The following MACROD2 variants were observed in gnomAD, a reference collection of about 807,000 sequenced individuals.
MACROD2 encodes mono-ADP ribosylhydrolase 2.
MACROD2 carries 36 observed loss-of-function variants against 70.4 expected under a neutral mutation model. The observed-to-expected ratio is 0.51, with a 90% CI of 0.39 to 0.68. The LOEUF is 0.68. Among genes scored for constraint, MACROD2 ranks in the 30% least tolerant of loss-of-function variants. The pLI is 0.00. For synonymous variants in MACROD2, 172 were observed against 178.8 expected, an observed-to-expected ratio of 0.96 and a Z score of 0.30; for missense variants, 496 against 538.4, an observed-to-expected ratio of 0.92 and a Z score of 0.78.
intron 3 of MACROD2, among the ~76,000 whole-genome samples, chr20:14,160,465 G>T (rs1267944221): frequency 2.0e-5 from 3 of 152,202 alleles, no homozygotes; most frequent in East Asian, 3.9e-4. Flanking sequence ...GTATGTACCA[G>T]AAATTTATTA....
intron 5 of MACROD2, among the ~76,000 whole-genome samples, chr20:14,857,906 C>T (rs1317157205): frequency 1.3e-5 from 2 of 151,994 alleles, no homozygotes; most frequent in Non-Finnish European, 1.5e-5. Context: ...CTGCAACCTC[C>T]GCCTCCCGGG....
chr20:15,365,792 A>G (rs1315814408), intron 6 of MACROD2, among the ~76,000 whole-genome samples: 1 of 152,196 alleles, frequency 6.6e-6, no homozygotes, highest in Non-Finnish European at 1.5e-5. Context: ...AAAAAGAGAA[A>G]ATTGATTACA....
chr20:14,322,345 A>G (rs2082671178), intron 3 of MACROD2, among the ~76,000 whole-genome samples: 1 of 150,438 alleles, frequency 6.6e-6, no homozygotes, highest in Non-Finnish European at 1.5e-5. Context: ...GTATTTTAGA[A>G]CATACACAAA....
intron 6 of MACROD2, among the ~76,000 whole-genome samples, chr20:15,329,950 G>T (rs955674216): frequency 3.9e-5 from 6 of 152,002 alleles, no homozygotes; most frequent in Non-Finnish European, 8.8e-5. Flanking sequence ...TTTGAGAGGT[G>T]CCTTCGCTAT....
At chr20:14,012,179 T>G (rs767975456) in intron 2 of MACROD2, among the ~76,000 whole-genome samples, 2 of 152,200 alleles carry the variant, frequency 1.3e-5, no homozygotes, top group African/African-American at 2.4e-5. Flanking sequence ...AGTGCTGGGA[T>G]TACAGGTGTG....
intron 5 of MACROD2, among the ~76,000 whole-genome samples, chr20:15,152,959 G>T (rs966248451): frequency 6.6e-6 from 1 of 152,094 alleles, no homozygotes; most frequent in Non-Finnish European, 1.5e-5. Flanking sequence ...GAGGTTGAGG[G>T]ATAGTGAGAG....
intron 15 of MACROD2, among the ~76,000 whole-genome samples, chr20:15,994,343 G>T (rs4813204): frequency 0.58 from 87,512 of 151,894 alleles, 25,691 homozygotes; most frequent in East Asian, 0.68. Context: ...TCTAAAATCT[G>T]GCTTATTAAA....
intron 6 of MACROD2, among the ~76,000 whole-genome samples, chr20:15,289,738 T>A (rs10485522): frequency 0.087 from 13,315 of 152,264 alleles, 730 homozygotes; most frequent in African/African-American, 0.14. Context: ...TTTATGGGCA[T>A]GTAGAGGATC....
chr20:14,529,360 C>T (rs2085274732), intron 4 of MACROD2, among the ~76,000 whole-genome samples: 1 of 152,164 alleles, frequency 6.6e-6, no homozygotes, highest in African/African-American at 2.4e-5. Context: ...TGCCCTGCCA[C>T]ACTTAGTGTA....
chr20:14,504,831 C>T (rs1282028237), intron 4 of MACROD2, among the ~76,000 whole-genome samples: 1 of 152,096 alleles, frequency 6.6e-6, no homozygotes, highest in African/African-American at 2.4e-5. Flanking sequence ...ATAAAGAAGT[C>T]CTCTTTGACT....
At chr20:15,958,609 A>T (rs1465787841) in intron 12 of MACROD2, among the ~76,000 whole-genome samples, 3 of 152,168 alleles carry the variant, frequency 2.0e-5, no homozygotes, top group African/African-American at 7.2e-5. Flanking sequence ...CTGACATTCA[A>T]AGGGAAATAA....
At chr20:15,781,426 A>G (rs1169834031) in intron 8 of MACROD2, among the ~76,000 whole-genome samples, 1 of 150,714 alleles carries the variant, frequency 6.6e-6, no homozygotes, top group Non-Finnish European at 1.5e-5. Flanking sequence ...CAGACTGGGT[A>G]ATTTATAAAG....
intron 6 of MACROD2, among the ~76,000 whole-genome samples, chr20:15,396,029 CA>C (rs1219947813): frequency 4.6e-5 from 7 of 152,182 alleles, no homozygotes; most frequent in Admixed American, 2.6e-4. Context: ...GAATCACTGG[CA>C]GTAGCTTAAT....
chr20:15,303,747 T>C (rs1303492554), intron 6 of MACROD2, among the ~76,000 whole-genome samples: 1 of 152,204 alleles, frequency 6.6e-6, no homozygotes, highest in African/African-American at 2.4e-5. Context: ...AATTCCTTTA[T>C]GCACCGTATT....
At chr20:14,248,018 G>C (rs6110213) in intron 3 of MACROD2, among the ~76,000 whole-genome samples, 2 of 152,162 alleles carry the variant, frequency 1.3e-5, no homozygotes, top group Non-Finnish European at 2.9e-5. Flanking sequence ...AGCTGCTATA[G>C]GTATCTGGTG....
rs866776681 is a variant in MACROD2 at position 14,609,161 on chromosome 20, G to C, written c.302-75682G>C. On this transcript the variant is annotated intron_variant, in intron 4 of 17. Coordinates refer to ENST00000684519, the MANE Select transcript of MACROD2 (RefSeq NM_001351661.2). ...ATTCTGGGAAAAACAGTGAAAGAAG[G>C]AAAATAAATTAAGAGACTTTCCAAG... 2.1e-4 allele frequency among the ~76,000 whole-genome samples: 32 copies of C among 152,068 alleles called. 1 individual carries two copies. The highest frequency in any genetic ancestry group is 3.4e-3 in the Middle Eastern group (1 of 294).
intron 4 of MACROD2, among the ~76,000 whole-genome samples, chr20:14,558,533 A>C (rs1979207146): frequency 6.6e-6 from 1 of 151,766 alleles, no homozygotes; most frequent in Admixed American, 6.6e-5. Context: ...TTAAGAAAAA[A>C]ATTGTTATAT....
intron 4 of MACROD2, among the ~76,000 whole-genome samples, chr20:14,516,265 T>C (rs2085098737): frequency 6.6e-6 from 1 of 152,048 alleles, no homozygotes; most frequent in South Asian, 2.1e-4. Context: ...TTTTTCACTC[T>C]GATGATAATT....
chr20:14,365,395 TATA>T (rs1320446299), intron 3 of MACROD2, among the ~76,000 whole-genome samples: 2 of 151,338 alleles, frequency 1.3e-5, no homozygotes, highest in East Asian at 1.9e-4. Flanking sequence ...TAAATAATTA[TATA>T]ATAATATTTA....
Sources: allele counts gnomAD v4.1 joint callset (sites outside exome capture counted in the v4.1 genomes callset), GRCh38; gene constraint gnomAD v4.1.1; transcripts MANE v1.5; gene names NCBI Gene and HGNC (gene_info 2026-07-23, HGNC 2026-07-21).